MED26: variants seen among roughly 807,000 people sequenced by gnomAD.
MED26 encodes the protein mediator complex subunit 26.
MED26 carries 7 observed loss-of-function variants against 43.7 expected under a neutral mutation model. The ratio of observed to expected loss-of-function variants is 0.16; its 90% CI spans 0.09 to 0.30. The LOEUF is 0.30. Ranked by LOEUF, MED26 falls within the 10% of genes least tolerant of loss-of-function variation. The pLI, the probability that MED26 is intolerant of heterozygous loss-of-function variation, is 1.00. For missense variants in MED26, 784 were observed against 840.6 expected (o/e 0.93, Z 0.83); for synonymous variants, 375 against 371.1 (o/e 1.01, Z -0.12).
chr19:16,609,986 T>C (rs1053437696), intron 1 of MED26, among the ~76,000 whole-genome samples: 9 of 143,824 alleles, frequency 6.3e-5, no homozygotes, highest in Non-Finnish European at 1.1e-4. Flanking sequence ...ATTTCAGTAA[T>C]GTTATTCAAG....
intron 1 of MED26, among the ~76,000 whole-genome samples, chr19:16,607,173 C>A (rs1417731054): frequency 6.6e-6 from 1 of 151,798 alleles, no homozygotes; most frequent in African/African-American, 2.4e-5. Context: ...GAGACCCTGT[C>A]TCTAAAAAAT....
intron 2 of MED26, 96 bp downstream of exon 2, chr19:16,578,239 G>A: frequency 8.6e-7 from 1 of 1,163,972 alleles, no homozygotes; most frequent in East Asian, 2.3e-5. Context: ...CCGAAGCAAA[G>A]ACACTGATGC....
rs11371657 is a variant in MED26, at chr19:16,584,311, C to CAA, written c.73-5904_73-5903dup. Among the ~76,000 whole-genome samples, 49 of 143,294 alleles carry CAA rather than the reference C, an allele frequency of 3.4e-4. 1 individual carries two copies. The highest frequency in any genetic ancestry group is 7.8e-4 in the African/African-American group (30 of 38,288). The allele number at this position is 143,294 out of a possible 152,430, so 94.0% of individuals were successfully genotyped here. ...CAAACACTGCCCCCCCCCGCCCCGC[C>CAA]AAAAAAAAACAAAAAACAAAACAAA... On this transcript the variant is annotated intron_variant, in intron 1 of 2. Transcript: ENST00000263390.
At chr19:16,610,741 C>T (rs1215079464) in intron 1 of MED26, 1 of 152,226 alleles carries the variant, frequency 6.6e-6, no homozygotes, top group Non-Finnish European at 1.5e-5. Flanking sequence ...CTAGTCTCGC[C>T]TCCAAATTAC....
At chr19:16,613,170 G>A (rs966289427) in intron 1 of MED26, among the ~76,000 whole-genome samples, 1 of 152,178 alleles carries the variant, frequency 6.6e-6, no homozygotes, top group African/African-American at 2.4e-5. Flanking sequence ...TGGAGACGGA[G>A]CTGTAGAGAT....
chr19:16,579,106 T>A (rs114237373), intron 1 of MED26, among the ~76,000 whole-genome samples: 3,624 of 151,360 alleles, frequency 0.024, 56 homozygotes, highest in Middle Eastern at 0.048. Flanking sequence ...GTGTAAAAAA[T>A]AATAATAATA....
intron 1 of MED26, among the ~76,000 whole-genome samples, chr19:16,613,110 T>C (rs1396524259): frequency 6.6e-6 from 1 of 152,168 alleles, no homozygotes; most frequent in African/African-American, 2.4e-5. Flanking sequence ...ATAGAGAGTA[T>C]TAATAGCACT....
chr19:16,594,106 T>A (rs558494181), intron 1 of MED26, among the ~76,000 whole-genome samples: 1 of 152,342 alleles, frequency 6.6e-6, no homozygotes, highest in Admixed American at 6.5e-5. Flanking sequence ...AACAATCCAC[T>A]GTGGTTAACT....
chr19:16,614,258 G>A (rs760778858), intron 1 of MED26, among the ~76,000 whole-genome samples: 8 of 152,112 alleles, frequency 5.3e-5, no homozygotes, highest in East Asian at 1.9e-4. Flanking sequence ...CCCGGCGCAC[G>A]GTCTCACACC....
At chr19:16,627,018 C>T (rs2086280788) in intron 1 of MED26, among the ~76,000 whole-genome samples, 1 of 148,576 alleles carries the variant, frequency 6.7e-6, no homozygotes, top group African/African-American at 2.5e-5. Flanking sequence ...CCCGAGGAAG[C>T]GACACTCTGG....
chr19:16,612,124 T>G (rs2086202138), intron 1 of MED26: 1 of 152,134 alleles, frequency 6.6e-6, no homozygotes, highest in African/African-American at 2.4e-5. Flanking sequence ...CCGGGAGAGA[T>G]AAAACAGCAA....
chr19:16,615,136 G>C (rs550983238), intron 1 of MED26, among the ~76,000 whole-genome samples: 2 of 152,320 alleles, frequency 1.3e-5, no homozygotes, highest in East Asian at 3.9e-4. Flanking sequence ...AGCACTGCGG[G>C]AAAGATCAGA....
intron 1 of MED26, chr19:16,589,472 C>T (rs2086086248): frequency 6.6e-6 from 1 of 152,212 alleles, no homozygotes; most frequent in Non-Finnish European, 1.5e-5. Flanking sequence ...TACACATAAC[C>T]TCAAAGACAA....
chr19:16,577,655 C>T lies in MED26; in HGVS notation c.175G>A (p.Asp59Asn). Residue 59 changes from aspartate to asparagine, a missense_variant, in exon 3 of 3, where the codon GAC (aspartate) becomes AAC (asparagine). Physicochemically the swap from Asp to Asn is conservative, Grantham distance 23. This residue lies in a region of MED26 where 28 missense variants were observed against 79.4 expected (regional missense o/e 0.35). Transcript: ENST00000263390. This position sits in a 1 kb window ranked among gnomAD's most constrained non-coding sequence, Gnocchi z 8.1. ...EETRLGKLIN[D>N]VRKKTKNEEL... ...TCGTTCTTGGTTTTCTTGCGGACGT[C>T]GTTGATGAGCTTCCCAAGTCGTGTT... 14 of 1,578,714 alleles carry T rather than the reference C, an allele frequency of 8.9e-6. No homozygotes were observed. Among genetic ancestry groups the T allele is most frequent in the Non-Finnish European group, 1.2e-5 (14 of 1,157,388 alleles).
rs1032502731 is a variant in MED26, at chr19:16,586,913, T to G, written c.73-8504A>C. 60 of 136,200 alleles carry G rather than the reference T, an allele frequency of 4.4e-4. 1 individual carries two copies. Among genetic ancestry groups the G allele is most frequent in the Admixed American group, 3.0e-3 (41 of 13,794 alleles). The allele number at this position is 136,200 out of a possible 1,614,324, so 8.4% of individuals were successfully genotyped here. A position where few individuals can be genotyped will look rare whatever the true frequency, so the allele number is the denominator to read the frequency against. ...AAACAACAATGGGGATGTTGTCGGG[T>G]TTTTTTTTTTTTTTTAATGCAGAAT... On this transcript the variant is annotated intron_variant, in intron 1 of 2. Coordinates refer to ENST00000263390, the MANE Select transcript of MED26 (RefSeq NM_004831.5). The surrounding 1 kb of genome is among the most constrained non-coding windows in gnomAD (Gnocchi z 5.1).
In MED26 at chr19:16,577,694, G is replaced by GGGAGATGAT. The variant is rs2086019704; in HGVS notation, c.148-21_148-13dup. On this transcript the variant is annotated splice_polypyrimidine_tract_variant and intron_variant, in intron 2 of 2. Coordinates refer to ENST00000263390, the MANE Select transcript of MED26 (RefSeq NM_004831.5). This position sits in a 1 kb window ranked among gnomAD's most constrained non-coding sequence, Gnocchi z 8.1. Reference sequence around the variant, plus strand: ...CCAAGTCGTGTTTCCTACAACCAGAGGGAGATGATGACATACTTTCGGGAC... The same window carrying GGGAGATGAT: ...CCAAGTCGTGTTTCCTACAACCAGAGGGAGATGATGGAGATGATGACATACTTTCGGGAC... 6.5e-7 allele frequency: 1 copy of GGGAGATGAT among 1,549,430 alleles called. No homozygotes were observed. The highest frequency in any genetic ancestry group is 1.2e-5 in the South Asian group (1 of 84,158).
intron 1 of MED26, among the ~76,000 whole-genome samples, chr19:16,602,199 C>T (rs781340065): frequency 1.3e-5 from 2 of 152,252 alleles, no homozygotes; most frequent in Non-Finnish European, 2.9e-5. Context: ...GACACCAGTA[C>T]ATCACTGACC....
intron 1 of MED26, among the ~76,000 whole-genome samples, chr19:16,601,971 G>A (rs947788149): frequency 6.6e-5 from 10 of 152,200 alleles, no homozygotes; most frequent in Non-Finnish European, 1.5e-4. Context: ...GTGGGAAGCA[G>A]CGGGGCTGAG....
At chr19:16,589,397 C>T (rs2086085905) in intron 1 of MED26, 2 of 152,330 alleles carry the variant, frequency 1.3e-5, no homozygotes, top group South Asian at 4.1e-4. Context: ...CACGCAGCCA[C>T]CAACAGAACA....
Sources: gnomAD v4.1 joint callset for allele counts (sites outside exome capture counted in the v4.1 genomes callset) on GRCh38, gnomAD v4.1.1 for gene constraint, gnomAD v4.1.1 regional missense constraint, Gnocchi (gnomAD v3.1) non-coding constraint, MANE v1.5 for transcripts, NCBI Gene and HGNC (gene_info 2026-07-23, HGNC 2026-07-21) for gene names.